RPS3A: variants seen among roughly 807,000 people sequenced by gnomAD.
RPS3A encodes small ribosomal subunit protein eS1.
Under a neutral mutation model 26.4 loss-of-function variants are expected in RPS3A, and 1 was observed. The observed-to-expected ratio is 0.04, with a 90% CI of 0.01 to 0.18. RPS3A has a LOEUF of 0.18. RPS3A is among the 10% of genes least tolerant of loss of function. The pLI is 1.00. For synonymous variants in RPS3A, 97 were observed against 106.1 expected, an observed-to-expected ratio of 0.91 and a Z score of 0.53; for missense variants, 139 against 326.8, an observed-to-expected ratio of 0.43 and a Z score of 4.43.
At position 151,103,098 on chromosome 4, in the gene RPS3A, C is replaced by A; in HGVS notation, c.563+19C>A. The A allele has an allele frequency of 1.9e-6, 3 of 1,590,742 alleles. No homozygotes were observed. The highest frequency in any genetic ancestry group is 2.6e-6 in the Non-Finnish European group (3 of 1,175,640). ...ATAAATTGTAAGTGTTTCTTTGCTT[C>A]CTCACACAACACAACCTTGAGTATT... On this transcript the variant is annotated intron_variant, in intron 4 of 5. Coordinates refer to ENST00000274065, the MANE Select transcript of RPS3A (RefSeq NM_001006.5).
chr4:151,100,613 AT>A, intron 2 of RPS3A, 25 bp downstream of exon 2: 1 of 1,375,172 alleles, frequency 7.3e-7, no homozygotes, highest in Non-Finnish European at 1.0e-6. Flanking sequence ...CTTGGTTTGT[AT>A]TTTCCTTAAG....
At chr4:151,102,551 T>C (rs1001006030) in intron 3 of RPS3A, among the ~76,000 whole-genome samples, 6 of 151,098 alleles carry the variant, frequency 4.0e-5, no homozygotes, top group African/African-American at 7.3e-5. Context: ...CTTGAGGGGG[T>C]ATGAGCTGTT....
chr4:151,103,816 T>C (rs1033317821), intron 4 of RPS3A: 7 of 1,362,220 alleles, frequency 5.1e-6, no homozygotes, highest in Non-Finnish European at 5.8e-6. Context: ...TCATGATTAA[T>C]GATGCACGGG....
In RPS3A at chr4:151,099,682, G is replaced by T; in HGVS notation, c.30G>T (p.Thr10=). 6.2e-7 allele frequency: 1 copy of T among 1,613,970 alleles called. No individual in the cohort carries two copies. The highest frequency in any genetic ancestry group is 8.5e-7 in the Non-Finnish European group (1 of 1,179,956). ...CGGTTGGCAAGAACAAGCGCCTTACGAAAGGCGGCAAAAAGGGAGCCAAGA... is the reference window on the plus strand; with the variant it reads ...CGGTTGGCAAGAACAAGCGCCTTACTAAAGGCGGCAAAAAGGGAGCCAAGA... MAVGKNKRL[T]KGGKKGAKKK... is the part of the protein sequence containing the mutation. The change falls in exon 1 of 6, where the codon ACG becomes ACT. Residue 10 remains threonine, a synonymous_variant. Coordinates refer to ENST00000274065, the MANE Select transcript of RPS3A (RefSeq NM_001006.5).
intron 3 of RPS3A, 106 bp from the exon 4 acceptor site, chr4:151,102,765 A>T (rs889346694): frequency 8.1e-7 from 1 of 1,229,530 alleles, no homozygotes; most frequent in Non-Finnish European, 1.1e-6. Flanking sequence ...AGGATACTTT[A>T]TATTTAATAA....
At chr4:151,103,819 T>G (rs1301116054) in intron 4 of RPS3A, 29 of 1,364,698 alleles carry the variant, frequency 2.1e-5, no homozygotes, top group Non-Finnish European at 2.7e-5. Flanking sequence ...TGATTAATGA[T>G]GCACGGGAAT....
chr4:151,101,223 T>A (rs1342121920), intron 3 of RPS3A, 61 bp downstream of exon 3: 2 of 969,980 alleles, frequency 2.1e-6, no homozygotes, highest in East Asian at 5.2e-5. Context: ...GATAGCATGG[T>A]TTGATGACTG....
At chr4:151,103,667 T>G (rs773540204) in intron 4 of RPS3A, 109 of 1,081,416 alleles carry the variant, frequency 1.0e-4, no homozygotes, top group Admixed American at 2.1e-4. Context: ...CTCAGGAGGC[T>G]GAGGTGGTAG....
In RPS3A at chr4:151,100,603, C is replaced by T; in HGVS notation, c.166+15C>T. The T allele has an allele frequency of 3.4e-6, 5 of 1,452,418 alleles. No individual in the cohort carries two copies. The highest frequency in any genetic ancestry group is 4.8e-6 in the Non-Finnish European group (5 of 1,033,964). 90.0% of individuals were successfully genotyped at this position (1,452,418 alleles called of 1,614,324 possible). A position where few individuals can be genotyped will look rare whatever the true frequency, so the allele number is the denominator to read the frequency against. On this transcript the variant is annotated intron_variant, in intron 2 of 5. Coordinates refer to ENST00000274065, the MANE Select transcript of RPS3A (RefSeq NM_001006.5). ...CCAAGGAACCAGTAAGTAGCTTATTCTTGGTTTGTATTTTCCTTAAGTTGG... is the reference window on the plus strand; with the variant it reads ...CCAAGGAACCAGTAAGTAGCTTATTTTTGGTTTGTATTTTCCTTAAGTTGG...
chr4:151,100,652 C>T, intron 2 of RPS3A, 64 bp downstream of exon 2: 1 of 990,304 alleles, frequency 1.0e-6, no homozygotes, highest in East Asian at 2.4e-5. Flanking sequence ...TAGCAGGCAT[C>T]TTGGTCTGTT....
chr4:151,102,761 C>T, intron 3 of RPS3A, 110 bp from the exon 4 acceptor site: 1 of 1,215,174 alleles, frequency 8.2e-7, no homozygotes, highest in Non-Finnish European at 1.1e-6. Flanking sequence ...TGTTAGGATA[C>T]TTTATATTTA....
In RPS3A at chr4:151,104,402, G is replaced by A. The variant is rs1478747340; in HGVS notation, c.674-70G>A. 4 of 1,357,014 alleles carry A rather than the reference G, an allele frequency of 2.9e-6. No homozygotes were observed. In the African/African-American group the frequency reaches 6.2e-5, roughly 21 times the overall value. The allele number at this position is 1,357,014 out of a possible 1,614,324, so 84.1% of individuals were successfully genotyped here. A position where few individuals can be genotyped will look rare whatever the true frequency, so the allele number is the denominator to read the frequency against. On this transcript the variant is annotated intron_variant, in intron 5 of 5. Coordinates refer to ENST00000274065, the MANE Select transcript of RPS3A (RefSeq NM_001006.5). ...CTTCCTGTCATGCTTGCATAGTAGT[G>A]ATGACCATTATTTCAAGATATACTA...
Position 151,104,187 on chromosome 4 carries a change from A to G in RPS3A, c.574A>G (p.Ser192Gly). 3 of 1,609,808 alleles carry G rather than the reference A, an allele frequency of 1.9e-6. No individual in the cohort carries two copies. The highest frequency in any genetic ancestry group is 2.5e-6 in the Non-Finnish European group (3 of 1,179,116). Reference protein sequence around the residue: ...KEVVNKLIPDSIGKDIEKACQ... With the variant: ...KEVVNKLIPDGIGKDIEKACQ... ...GTTACTGGTTTGCAGGATTCCAGAC[A>G]GCATTGGAAAAGACATAGAAAAGGC... The change falls in exon 5 of 6, where the codon AGC (serine) becomes GGC (glycine). Residue 192 changes from serine to glycine, a missense_variant. Around this residue, in one of 3 missense-constraint regions of RPS3A, gnomAD observed 96 missense variants for 209.8 expected, o/e 0.46. Transcript: ENST00000274065.
intron 5 of RPS3A, 85 bp downstream of exon 5, chr4:151,104,371 CT>C (rs1226303224): frequency 6.9e-7 from 1 of 1,454,058 alleles, no homozygotes; most frequent in African/African-American, 1.5e-5. Context: ...TCATGGCCTT[CT>C]TTTTCTTCCT....
At chr4:151,104,057 G>C in intron 4 of RPS3A, 120 bp from the exon 5 acceptor site, 1 of 1,492,562 alleles carries the variant, frequency 6.7e-7, no homozygotes, top group East Asian at 2.4e-5. Context: ...GATTTATGCA[G>C]GTTAAATGAG....
intron 1 of RPS3A, chr4:151,100,111 C>T: frequency 5.8e-6 from 3 of 517,796 alleles, no homozygotes; most frequent in South Asian, 4.8e-5. Flanking sequence ...CTGCGAGCTC[C>T]TGCTAAGCTT....
At position 151,102,974 on chromosome 4, in the gene RPS3A, C is replaced by T; in HGVS notation, c.458C>T (p.Thr153Ile). 1 of 1,606,348 alleles carries T rather than the reference C, an allele frequency of 6.2e-7. No homozygotes were observed. The highest frequency in any genetic ancestry group is 8.5e-7 in the Non-Finnish European group (1 of 1,179,496). Residue 153 changes from threonine (T) to isoleucine (I), a missense_variant, in exon 4 of 6, where the codon ACC (threonine) becomes ATC (isoleucine). This residue lies in a region of RPS3A where 96 missense variants were observed against 209.8 expected (regional missense o/e 0.46). Coordinates refer to ENST00000274065, the MANE Select transcript of RPS3A (RefSeq NM_001006.5). ...AAACGCAACAATCAGATACGGAAGA[C>T]CTCTTATGCTCAGCACCAACAGGTC... is the stretch of plus-strand genomic sequence containing the variant. The part of the protein sequence containing the change: ...TKKRNNQIRK[T>I]SYAQHQQVRQ...
At chr4:151,104,143 T>C (rs758941514) in intron 4 of RPS3A, 34 bp from the exon 5 acceptor site, 11 of 1,587,440 alleles carry the variant, frequency 6.9e-6, no homozygotes, top group Middle Eastern at 2.1e-4. Context: ...GAACTAGGAC[T>C]TTTAGAAAAA....
chr4:151,100,430 A>G (rs1747069245), intron 1 of RPS3A, 55 bp from the exon 2 acceptor site: 2 of 1,001,284 alleles, frequency 2.0e-6, no homozygotes, highest in Admixed American at 2.0e-5. Context: ...TTAACAGTGA[A>G]AAATACAGTA....
Sources: gnomAD v4.1 joint callset for allele counts (sites outside exome capture counted in the v4.1 genomes callset) on GRCh38, gnomAD v4.1.1 for gene constraint, gnomAD v4.1.1 regional missense constraint, MANE v1.5 for transcripts, NCBI Gene and HGNC (gene_info 2026-07-23, HGNC 2026-07-21) for gene names.